The following SPOCK1 variants were observed in gnomAD, a reference collection of about 807,000 sequenced individuals.
The protein encoded by SPOCK1 is SPARC (osteonectin), cwcv and kazal like domains proteoglycan 1.
A neutral mutation model predicts 55.3 loss-of-function variants in SPOCK1; 23 were observed. The ratio of observed to expected loss-of-function variants is 0.42; its 90% CI spans 0.30 to 0.59. SPOCK1 has a LOEUF of 0.59. SPOCK1 is among the 20% of genes least tolerant of loss of function. The probability of loss-of-function intolerance (pLI) is 0.22; values close to 1 mark genes in which losing one functional copy is unlikely to be tolerated. For synonymous variants in SPOCK1, 226 were observed against 221.0 expected (o/e 1.02, Z -0.20); for missense variants, 499 against 552.5 (o/e 0.90, Z 0.97).
chr5:137,496,914 T>C (rs1382350734), intron 2 of SPOCK1, among the ~76,000 whole-genome samples: 1 of 152,162 alleles, frequency 6.6e-6, no homozygotes, highest in Admixed American at 6.5e-5. Context: ...CAAATAGCTG[T>C]GGCTATTCAT....
At chr5:137,263,516 CG>C (rs1307417208) in intron 3 of SPOCK1, among the ~76,000 whole-genome samples, 1 of 152,194 alleles carries the variant, frequency 6.6e-6, no homozygotes, top group Non-Finnish European at 1.5e-5. Flanking sequence ...AAGGTCCATC[CG>C]GGGGCCTTCA....
At chr5:137,078,050 G>C (rs891301213) in intron 5 of SPOCK1, among the ~76,000 whole-genome samples, 1 of 152,180 alleles carries the variant, frequency 6.6e-6, no homozygotes, top group Non-Finnish European at 1.5e-5. Flanking sequence ...TGGCAGAGGA[G>C]AGGAGGGAAG....
intron 2 of SPOCK1, among the ~76,000 whole-genome samples, chr5:137,396,147 C>T (rs1276883850): frequency 6.6e-6 from 1 of 152,114 alleles, no homozygotes; most frequent in African/African-American, 2.4e-5. Context: ...ATTTGGGGTT[C>T]CTCACTGAAA....
chr5:136,978,987 T>C, intron 10 of SPOCK1, 143 bp from the exon 11 acceptor site: 1 of 884,512 alleles, frequency 1.1e-6, no homozygotes, highest in Non-Finnish European at 1.7e-6. Context: ...CTGAGGTGAG[T>C]CTTCAGGGCA....
intron 3 of SPOCK1, among the ~76,000 whole-genome samples, chr5:137,141,054 C>T (rs115402371): frequency 0.011 from 1,672 of 152,226 alleles, 38 homozygotes; most frequent in African/African-American, 0.039. Flanking sequence ...GCCACTGCAC[C>T]GGGCCTTAAT....
intron 2 of SPOCK1, among the ~76,000 whole-genome samples, chr5:137,423,749 G>A (rs951053606): frequency 9.2e-5 from 14 of 152,156 alleles, no homozygotes; most frequent in African/African-American, 2.4e-4. Flanking sequence ...GCGATGCCTC[G>A]CCCTGCTTCA....
chr5:137,112,549 C>T lies in SPOCK1; in HGVS notation c.360G>A (p.Gly120=). Residue 120 remains glycine (G), a synonymous_variant, in exon 5 of 11, where the codon GGG becomes GGA. Transcript: ENST00000394945. ...RKHLLPRQKK[G]NVAQKHWVGP... is the part of the protein sequence containing the mutation. ...CAACCCAGTGTTTCTGGGCCACGTT[C>T]CCCTTCTTTTGCCTAAAGATGAGAA... 6.2e-7 allele frequency: 1 copy of T among 1,613,460 alleles called. No homozygotes were observed. The highest frequency in any genetic ancestry group is 8.5e-7 in the Non-Finnish European group (1 of 1,179,920).
At chr5:137,273,867 G>A (rs552213114) in intron 2 of SPOCK1, among the ~76,000 whole-genome samples, 100 of 152,326 alleles carry the variant, frequency 6.6e-4, no homozygotes, top group African/African-American at 2.3e-3. Flanking sequence ...AATAGCTTGA[G>A]GGGTCCTCAA....
chr5:136,992,611 G>C lies in SPOCK1; in HGVS notation c.590-11C>G. 1 of 1,606,760 alleles carries C rather than the reference G, an allele frequency of 6.2e-7. No homozygotes were observed. Among genetic ancestry groups the C allele is most frequent in the Admixed American group, 1.7e-5 (1 of 58,922 alleles). On this transcript the variant is annotated splice_polypyrimidine_tract_variant and intron_variant, in intron 6 of 10. Coordinates refer to ENST00000394945, the MANE Select transcript of SPOCK1 (RefSeq NM_004598.4). ...CCTTGTCTGTGCAGGCTAGAGAAAA[G>C]CAAACAGAACAGACAATGGGGCTGG...
At chr5:137,008,343 G>A (rs978408053) in intron 6 of SPOCK1, among the ~76,000 whole-genome samples, 1 of 124,540 alleles carries the variant, frequency 8.0e-6, no homozygotes, top group Non-Finnish European at 1.8e-5. Context: ...CAACACAGTA[G>A]CAGAAAAGAT....
chr5:137,324,422 G>C (rs1311235988), intron 2 of SPOCK1, among the ~76,000 whole-genome samples: 1 of 152,116 alleles, frequency 6.6e-6, no homozygotes, highest in African/African-American at 2.4e-5. Flanking sequence ...TCCAGCCTGA[G>C]TGACAGAAGG....
chr5:137,024,664 A>T (rs888395597), intron 6 of SPOCK1, among the ~76,000 whole-genome samples: 1 of 152,106 alleles, frequency 6.6e-6, no homozygotes, highest in African/African-American at 2.4e-5. Flanking sequence ...AATAAAAAAA[A>T]TTGAATATCC....
At chr5:137,431,675 C>T (rs1350100517) in intron 2 of SPOCK1, among the ~76,000 whole-genome samples, 1 of 152,184 alleles carries the variant, frequency 6.6e-6, no homozygotes, top group Admixed American at 6.5e-5. Context: ...GGAAAATGTA[C>T]TAGTTCCTGC....
At chr5:137,214,257 G>T (rs190500877) in intron 3 of SPOCK1, among the ~76,000 whole-genome samples, 35 of 152,130 alleles carry the variant, frequency 2.3e-4, no homozygotes, top group African/African-American at 7.5e-4. Context: ...AGCTTGGAGG[G>T]GAGATATATG....
chr5:137,103,678 T>C (rs1005126242), intron 5 of SPOCK1, among the ~76,000 whole-genome samples: 1 of 152,240 alleles, frequency 6.6e-6, no homozygotes, highest in African/African-American at 2.4e-5. Context: ...ATTTGGGTTT[T>C]TGTTATAGCA....
intron 2 of SPOCK1, among the ~76,000 whole-genome samples, chr5:137,372,251 CCAAA>C (rs1751217672): frequency 6.6e-6 from 1 of 152,094 alleles, no homozygotes; most frequent in African/African-American, 2.4e-5. Flanking sequence ...TCATGTGGAC[CCAAA>C]CAGTCTGTGT....
In SPOCK1 at chr5:137,493,287, T is replaced by A. The variant is rs182098841; in HGVS notation, c.186+5086A>T. On this transcript the variant is annotated intron_variant, in intron 2 of 10. Coordinates refer to ENST00000394945, the MANE Select transcript of SPOCK1 (RefSeq NM_004598.4). ...ATTTAATTACTAACATTATTTTGCC[T>A]CCTCAAGTAACAAAGTGATTGAGCG... is the stretch of plus-strand genomic sequence containing the variant. Among the ~76,000 whole-genome samples, 4 of 152,350 alleles carry A rather than the reference T, an allele frequency of 2.6e-5. No individual in the cohort carries two copies. In the East Asian group the frequency reaches 7.7e-4, roughly 29 times the overall value.
At chr5:137,016,400 G>A (rs1394481932) in intron 6 of SPOCK1, among the ~76,000 whole-genome samples, 2 of 152,172 alleles carry the variant, frequency 1.3e-5, no homozygotes, top group Middle Eastern at 3.2e-3. Context: ...TCTGTCTTAC[G>A]TACTTAGAAC....
At chr5:137,294,639 T>C (rs940519976) in intron 2 of SPOCK1, among the ~76,000 whole-genome samples, 4 of 152,224 alleles carry the variant, frequency 2.6e-5, no homozygotes, top group African/African-American at 9.6e-5. Flanking sequence ...CCCAGGGTTC[T>C]ATACATAAAT....
Sources: allele counts gnomAD v4.1 joint callset (sites outside exome capture counted in the v4.1 genomes callset), GRCh38; gene constraint gnomAD v4.1.1; transcripts MANE v1.5; gene names NCBI Gene and HGNC (gene_info 2026-07-23, HGNC 2026-07-21).